PPP1R9A: variants seen among roughly 807,000 people sequenced by gnomAD.
PPP1R9A encodes neurabin-1.
PPP1R9A carries 59 observed loss-of-function variants against 141.9 expected under a neutral mutation model. That is an observed-to-expected ratio of 0.42 (90% CI 0.34 to 0.52). PPP1R9A has a LOEUF of 0.52. PPP1R9A is among the 20% of genes least tolerant of loss of function. PPP1R9A has a pLI of 0.10. For missense variants in PPP1R9A, 1,444 were observed against 1,611.9 expected (o/e 0.90, Z 1.78); for synonymous variants, 500 against 569.7 (o/e 0.88, Z 1.74).
intron 16 of PPP1R9A, among the ~76,000 whole-genome samples, chr7:95,282,029 C>G (rs1407510792): frequency 6.6e-6 from 1 of 152,070 alleles, no homozygotes. Context: ...GGCATTTTTA[C>G]TAGAATGTGG....
At chr7:95,210,755 C>A (rs1049356199) in intron 7 of PPP1R9A, among the ~76,000 whole-genome samples, 1 of 152,136 alleles carries the variant, frequency 6.6e-6, no homozygotes, top group Non-Finnish European at 1.5e-5. Context: ...CCCAAATGCC[C>A]ACCAATGATA....
intron 7 of PPP1R9A, among the ~76,000 whole-genome samples, chr7:95,212,211 A>C (rs1481158113): frequency 1.3e-5 from 2 of 152,174 alleles, no homozygotes; most frequent in African/African-American, 4.8e-5. Context: ...CATAAGATAT[A>C]CATCATTTCA....
intron 2 of PPP1R9A, among the ~76,000 whole-genome samples, chr7:94,984,654 A>G (rs757434490): frequency 6.6e-5 from 10 of 152,038 alleles, no homozygotes; most frequent in Non-Finnish European, 1.2e-4. Flanking sequence ...GGTAGTTTGT[A>G]TTTCCTTGAG....
chr7:94,963,369 A>G (rs1345810377), intron 2 of PPP1R9A, among the ~76,000 whole-genome samples: 1 of 152,124 alleles, frequency 6.6e-6, no homozygotes, highest in Non-Finnish European at 1.5e-5. Flanking sequence ...CTTTATTGAG[A>G]TATAATTCAC....
chr7:94,950,733 A>G (rs1018241583), intron 2 of PPP1R9A, among the ~76,000 whole-genome samples: 4 of 152,078 alleles, frequency 2.6e-5, no homozygotes, highest in Non-Finnish European at 5.9e-5. Context: ...CATGAATTAA[A>G]AGGCAATTAA....
At chr7:95,278,222 G>C (rs184134529) in intron 16 of PPP1R9A, among the ~76,000 whole-genome samples, 139 of 152,264 alleles carry the variant, frequency 9.1e-4, no homozygotes, top group Admixed American at 1.6e-3. Flanking sequence ...ATTCACCTCT[G>C]CGTACACTGT....
chr7:95,233,069 C>G (rs994054263), intron 8 of PPP1R9A, among the ~76,000 whole-genome samples: 52 of 152,126 alleles, frequency 3.4e-4, no homozygotes, highest in African/African-American at 1.3e-3. Flanking sequence ...CACATGCACA[C>G]CTATGTTTAT....
At chr7:95,127,082 T>G (rs2152508294) in intron 4 of PPP1R9A, among the ~76,000 whole-genome samples, 1 of 152,278 alleles carries the variant, frequency 6.6e-6, no homozygotes, top group East Asian at 1.9e-4. Context: ...AAAGGTAAAT[T>G]GAAAAGCCCG....
chr7:94,992,804 A>AT (rs1377628192), intron 2 of PPP1R9A, among the ~76,000 whole-genome samples: 5 of 151,914 alleles, frequency 3.3e-5, no homozygotes, highest in African/African-American at 7.3e-5. Context: ...ATATTTTCTG[A>AT]TTTTTTAAAA....
intron 5 of PPP1R9A, among the ~76,000 whole-genome samples, chr7:95,173,822 C>A (rs903214422): frequency 1.3e-5 from 2 of 151,986 alleles, no homozygotes; most frequent in African/African-American, 4.8e-5. Flanking sequence ...CAATGAGGTT[C>A]TACTGTACAC....
chr7:95,270,069 G>A (rs533304601), intron 14 of PPP1R9A, among the ~76,000 whole-genome samples: 1 of 152,272 alleles, frequency 6.6e-6, no homozygotes, highest in Non-Finnish European at 1.5e-5. Flanking sequence ...TCTTATGGGA[G>A]TACAGTCACA....
chr7:95,285,190 C>G (rs975080441), intron 17 of PPP1R9A, among the ~76,000 whole-genome samples: 2 of 152,250 alleles, frequency 1.3e-5, no homozygotes, highest in African/African-American at 4.8e-5. Context: ...TTTTGATAAC[C>G]AACTAAACCC....
intron 2 of PPP1R9A, among the ~76,000 whole-genome samples, chr7:95,039,979 A>T (rs1808994547): frequency 6.6e-6 from 1 of 152,230 alleles, no homozygotes; most frequent in South Asian, 2.1e-4. Context: ...ACACCTGAGC[A>T]CATCATATTC....
At chr7:94,997,335 A>T (rs1339146754) in intron 2 of PPP1R9A, among the ~76,000 whole-genome samples, 2 of 151,744 alleles carry the variant, frequency 1.3e-5, no homozygotes, top group Non-Finnish European at 2.9e-5. Flanking sequence ...GAAATTTTTT[A>T]TTGGATGTTG....
intron 2 of PPP1R9A, among the ~76,000 whole-genome samples, chr7:95,030,928 G>C (rs1296556830): frequency 6.6e-6 from 1 of 152,148 alleles, no homozygotes. Context: ...CTGGGGTTTC[G>C]CTCTTTAGTT....
At chr7:95,221,155 C>T (rs917532997) in intron 7 of PPP1R9A, among the ~76,000 whole-genome samples, 1 of 152,028 alleles carries the variant, frequency 6.6e-6, no homozygotes, top group East Asian at 1.9e-4. Flanking sequence ...TATTTTGACA[C>T]CAGCAGCAGC....
chr7:94,982,587 A>C (rs1174758246), intron 2 of PPP1R9A, among the ~76,000 whole-genome samples: 1 of 152,116 alleles, frequency 6.6e-6, no homozygotes, highest in Non-Finnish European at 1.5e-5. Flanking sequence ...GATGATGAGC[A>C]TTTTTTCATG....
chr7:95,195,517 T>C (rs1297127073), intron 5 of PPP1R9A, among the ~76,000 whole-genome samples: 1 of 150,844 alleles, frequency 6.6e-6, no homozygotes. Flanking sequence ...GGCTCAAACA[T>C]TCTTCCCACC....
rs780621514 is a variant in PPP1R9A at position 95,252,088 on chromosome 7, T to G, written c.2623T>G (p.Leu875Val). The stretch of plus-strand genomic sequence containing the variant: ...CTCTAAAGGGGATACCATGGAGAAC[T>G]TGGATGGCAAGCAGACATCTTGCCA... ...EVSKGDTMEN[L>V]DGKQTSCQDG... The change falls in exon 12 of 20, where the codon TTG (leucine) becomes GTG (valine). Residue 875 changes from leucine (L) to valine (V), a missense_variant. Coordinates refer to ENST00000433360, the MANE Select transcript of PPP1R9A (RefSeq NM_001166160.2). The G allele has an allele frequency of 1.2e-6, 2 of 1,606,622 alleles. No individual in the cohort carries two copies. The highest frequency in any genetic ancestry group is 2.3e-5 in the South Asian group (2 of 88,722).
Sources: allele counts gnomAD v4.1 joint callset (sites outside exome capture counted in the v4.1 genomes callset), GRCh38; gene constraint gnomAD v4.1.1; transcripts MANE v1.5; gene names NCBI Gene and HGNC (gene_info 2026-07-23, HGNC 2026-07-21).